Variants in AGBL4 observed in about 807,000 individuals in gnomAD.
The protein encoded by AGBL4 is cytosolic carboxypeptidase 6.
In AGBL4, 58 loss-of-function variants were observed where a neutral mutation model predicts 66.4. The ratio of observed to expected loss-of-function variants is 0.87; its 90% confidence interval spans 0.71 to 1.09. AGBL4 has a LOEUF of 1.09. AGBL4 is among the 50% of genes least tolerant of loss of function. AGBL4 has a pLI of 0.00. For synonymous variants in AGBL4, 234 were observed against 222.9 expected (o/e 1.05, Z -0.44); for missense variants, 579 against 631.0 (o/e 0.92, Z 0.88).
At chr1:48,748,855 A>G (rs975627542) in intron 6 of AGBL4, among the ~76,000 whole-genome samples, 1 of 151,946 alleles carries the variant, frequency 6.6e-6, no homozygotes, top group Non-Finnish European at 1.5e-5. Flanking sequence ...CTCTCTCTCC[A>G]TTTTCTGTGA....
intron 3 of AGBL4, among the ~76,000 whole-genome samples, chr1:49,632,636 A>G (rs1645593052): frequency 6.6e-6 from 1 of 152,116 alleles, no homozygotes; most frequent in Non-Finnish European, 1.5e-5. Flanking sequence ...TATTTCCTTC[A>G]TTTTGCTAGT....
At chr1:49,319,375 T>C (rs1645092915) in intron 3 of AGBL4, among the ~76,000 whole-genome samples, 1 of 152,176 alleles carries the variant, frequency 6.6e-6, no homozygotes, top group South Asian at 2.1e-4. Context: ...AAAATTACAA[T>C]GTCATTAACA....
chr1:48,960,414 T>C (rs559700501), intron 5 of AGBL4, among the ~76,000 whole-genome samples: 9 of 152,124 alleles, frequency 5.9e-5, no homozygotes, highest in Non-Finnish European at 1.0e-4. Context: ...ATTCTGCAGT[T>C]CAGGAAAGAG....
At chr1:49,745,915 A>C (rs960928453) in intron 2 of AGBL4, among the ~76,000 whole-genome samples, 1 of 152,032 alleles carries the variant, frequency 6.6e-6, no homozygotes, top group Non-Finnish European at 1.5e-5. Context: ...TGTACCCCAA[A>C]ACAGGAGAAC....
chr1:49,731,922 T>G (rs1649486618), intron 2 of AGBL4, among the ~76,000 whole-genome samples: 1 of 152,072 alleles, frequency 6.6e-6, no homozygotes, highest in South Asian at 2.1e-4. Context: ...TAACTAACAG[T>G]AAGAATAGAG....
chr1:49,197,577 C>G (rs1647331310), intron 4 of AGBL4, among the ~76,000 whole-genome samples: 1 of 152,126 alleles, frequency 6.6e-6, no homozygotes, highest in Non-Finnish European at 1.5e-5. Context: ...GTATTGCTGG[C>G]CTTTAAGCCA....
intron 2 of AGBL4, among the ~76,000 whole-genome samples, chr1:49,784,967 T>C (rs1451997750): frequency 6.6e-6 from 1 of 152,082 alleles, no homozygotes; most frequent in Non-Finnish European, 1.5e-5. Flanking sequence ...TAACCTCAGT[T>C]TACTTACTCA....
chr1:49,829,753 G>T (rs1007006947), intron 2 of AGBL4, among the ~76,000 whole-genome samples: 1 of 152,052 alleles, frequency 6.6e-6, no homozygotes, highest in Non-Finnish European at 1.5e-5. Context: ...TTCTCCCAAT[G>T]CTATCCCTCC....
chr1:49,414,894 T>A (rs933952399), intron 3 of AGBL4, among the ~76,000 whole-genome samples: 3 of 152,162 alleles, frequency 2.0e-5, no homozygotes, highest in African/African-American at 7.2e-5. Context: ...TAATGATAGT[T>A]GCTATTTTTA....
chr1:48,714,001 CAT>C (rs1387040173), intron 6 of AGBL4, among the ~76,000 whole-genome samples: 1 of 152,176 alleles, frequency 6.6e-6, no homozygotes, highest in African/African-American at 2.4e-5. Flanking sequence ...AAGTACGACT[CAT>C]GTGTATTTAT....
chr1:49,930,939 T>G (rs541702852), intron 1 of AGBL4, among the ~76,000 whole-genome samples: 65 of 152,116 alleles, frequency 4.3e-4, no homozygotes, highest in Non-Finnish European at 8.8e-4. Context: ...AAAAGCATCC[T>G]GATTTGAAAA....
chr1:49,999,896 T>C (rs1249082894), intron 1 of AGBL4, among the ~76,000 whole-genome samples: 1 of 152,098 alleles, frequency 6.6e-6, no homozygotes, highest in Non-Finnish European at 1.5e-5. Context: ...TGGATCCTCA[T>C]CTCTCACCCT....
intron 3 of AGBL4, among the ~76,000 whole-genome samples, chr1:49,473,934 TG>T (rs1646798069): frequency 6.6e-6 from 1 of 152,088 alleles, no homozygotes; most frequent in African/African-American, 2.4e-5. Context: ...GAATATCAGT[TG>T]GCTGTATGTG....
intron 5 of AGBL4, among the ~76,000 whole-genome samples, chr1:49,024,780 A>AT (rs1663518739): frequency 6.6e-6 from 1 of 152,130 alleles, no homozygotes; most frequent in African/African-American, 2.4e-5. Flanking sequence ...ACTTACAAAC[A>AT]ATTCAATTTC....
intron 6 of AGBL4, among the ~76,000 whole-genome samples, chr1:48,740,954 A>G (rs1649825447): frequency 6.6e-6 from 1 of 152,228 alleles, no homozygotes; most frequent in Admixed American, 6.5e-5. Flanking sequence ...GCAAAAACCA[A>G]TGAAAAAACA....
At chr1:49,556,633 C>T (rs147021770) in intron 3 of AGBL4, among the ~76,000 whole-genome samples, 2,980 of 152,112 alleles carry the variant, frequency 0.02, 114 homozygotes, top group African/African-American at 0.069. Flanking sequence ...ACTCAGGAGC[C>T]CAGCTGGCTT....
At chr1:48,817,131 A>G (rs1197194707) in intron 6 of AGBL4, among the ~76,000 whole-genome samples, 1 of 152,218 alleles carries the variant, frequency 6.6e-6, no homozygotes, top group Non-Finnish European at 1.5e-5. Context: ...GTGTTTGCCC[A>G]AGTGCTTTAT....
chr1:49,917,149 CAT>C (rs1410342037), intron 1 of AGBL4, among the ~76,000 whole-genome samples: 1 of 152,094 alleles, frequency 6.6e-6, no homozygotes, highest in Non-Finnish European at 1.5e-5. Flanking sequence ...TTATAAACAC[CAT>C]TGATGCTAGG....
intron 4 of AGBL4, among the ~76,000 whole-genome samples, chr1:49,095,990 CA>C (rs932924108): frequency 4.8e-4 from 71 of 149,044 alleles, no homozygotes; most frequent in Non-Finnish European, 7.3e-4. Flanking sequence ...AACAAATTTA[CA>C]AAAAAAAACA....
Sources: gnomAD v4.1 joint callset for allele counts (sites outside exome capture counted in the v4.1 genomes callset) on GRCh38, gnomAD v4.1.1 for gene constraint, MANE v1.5 for transcripts, NCBI Gene and HGNC (gene_info 2026-07-23, HGNC 2026-07-21) for gene names.